Variants in LRIF1 observed in about 807,000 individuals in gnomAD.
The protein encoded by LRIF1 is ligand dependent nuclear receptor interacting factor 1, also known as ligand-dependent nuclear receptor-interacting factor 1.
A neutral mutation model predicts 52.7 loss-of-function variants in LRIF1; 32 were observed. That is an observed-to-expected ratio of 0.61 (90% CI 0.46 to 0.82). The LOEUF is 0.82. LRIF1 is among the 40% of genes least tolerant of loss of function. The probability of loss-of-function intolerance (pLI) is 0.00; values close to 1 mark genes in which losing one functional copy is unlikely to be tolerated. For synonymous variants in LRIF1, 323 were observed against 317.4 expected, an observed-to-expected ratio of 1.02 and a Z score of -0.19; for missense variants, 887 against 892.0, an observed-to-expected ratio of 0.99 and a Z score of 0.07.
chr1:110,935,762 A>C, the LRIF1 span, among the ~76,000 whole-genome samples: 1 of 152,172 alleles, frequency 6.6e-6, no homozygotes, highest in African/African-American at 2.4e-5. Context: ...GTAGAGAGAG[A>C]GAGAACTAGA....
At chr1:110,907,970 C>T in the LRIF1 span, among the ~76,000 whole-genome samples, 1 of 152,186 alleles carries the variant, frequency 6.6e-6, no homozygotes, top group Non-Finnish European at 1.5e-5. Context: ...TTTGCCTTTA[C>T]TGCTTTAACT....
the LRIF1 span, among the ~76,000 whole-genome samples, chr1:110,925,405 TAA>T: frequency 1.8e-5 from 2 of 113,776 alleles, no homozygotes; most frequent in African/African-American, 5.5e-5. Context: ...ACCAATTTCT[TAA>T]AATCTTTCTC....
At chr1:110,963,554 G>C in intron 1 of LRIF1, 67 bp downstream of exon 1, 2 of 1,378,562 alleles carry the variant, frequency 1.5e-6, no homozygotes, top group Non-Finnish European at 2.0e-6. Flanking sequence ...CGGAAACGAC[G>C]GCCGACTCCA....
chr1:110,925,779 A>C, the LRIF1 span, among the ~76,000 whole-genome samples: 2 of 152,138 alleles, frequency 1.3e-5, no homozygotes, highest in African/African-American at 2.4e-5. Flanking sequence ...TATCCAGTTT[A>C]ATCTAATGAG....
rs1480094323 is a variant in LRIF1 at position 110,948,412 on chromosome 1, A to G, written c.1870-13T>C. Reference sequence around the variant, plus strand: ...TATCAAAATTCTGCTGCAATATTGAATAACATTCCAAAACAAAAACGAAAT... The same window carrying G: ...TATCAAAATTCTGCTGCAATATTGAGTAACATTCCAAAACAAAAACGAAAT... On this transcript the variant is annotated splice_polypyrimidine_tract_variant and intron_variant, in intron 3 of 3. Transcript: ENST00000369763. 4 of 1,597,544 alleles carry G rather than the reference A, an allele frequency of 2.5e-6. No homozygotes were observed. The highest frequency in any genetic ancestry group is 2.2e-5 in the East Asian group (1 of 44,648).
the LRIF1 span, among the ~76,000 whole-genome samples, chr1:110,916,147 C>A: frequency 6.6e-6 from 1 of 151,962 alleles, no homozygotes; most frequent in East Asian, 1.9e-4. Flanking sequence ...AGAAAGTGAT[C>A]CCAGATGAAA....
intron 3 of LRIF1, among the ~76,000 whole-genome samples, chr1:110,949,325 G>A (rs1658357995): frequency 6.6e-6 from 1 of 151,822 alleles, no homozygotes; most frequent in South Asian, 2.1e-4. Flanking sequence ...TCACCATGTT[G>A]GCCAAGATGG....
At chr1:110,902,495 T>TAAAAAAAAAA in the LRIF1 span, among the ~76,000 whole-genome samples, 23 of 72,654 alleles carry the variant, frequency 3.2e-4, no homozygotes, top group African/African-American at 7.0e-4. Context: ...AATCAATCAC[T>TAAAAAAAAAA]AAAAAAAAAA....
rs750306031 is a variant in LRIF1, at chr1:110,952,472, G to A, written c.412C>T (p.His138Tyr). Residue 138 changes from histidine (H) to tyrosine (Y), a missense_variant, in exon 2 of 4, where the codon CAT (histidine) becomes TAT (tyrosine). Coordinates refer to ENST00000369763, the MANE Select transcript of LRIF1 (RefSeq NM_018372.4). ...FSSSVSKVQSHGVKIDGLTMQ... is the reference protein window; with the variant it reads ...FSSSVSKVQSYGVKIDGLTMQ... ...GTGAGTCCATCAATTTTCACACCAT[G>A]ACTCTGAACTTTAGAAACTGATGAA... is the stretch of plus-strand genomic sequence containing the variant. 5 of 1,612,744 alleles carry A rather than the reference G, an allele frequency of 3.1e-6. No homozygotes were observed. In the South Asian group the frequency reaches 3.3e-5, roughly 11 times the overall value.
Position 110,963,874 on chromosome 1 carries a change from C to G in LRIF1, c.-186G>C, listed in dbSNP as rs1659072921. 1 of 467,966 alleles carries G rather than the reference C, an allele frequency of 2.1e-6. No individual in the cohort carries two copies. Among genetic ancestry groups the G allele is most frequent in the Admixed American group, 3.2e-5 (1 of 30,890 alleles). The allele number at this position is 467,966 out of a possible 1,614,324, so 29.0% of individuals were successfully genotyped here. A position where few individuals can be genotyped will look rare whatever the true frequency, so the allele number is the denominator to read the frequency against. On this transcript the variant is annotated 5_prime_UTR_variant, in exon 1 of 4. Coordinates refer to ENST00000369763, the MANE Select transcript of LRIF1 (RefSeq NM_018372.4). ...GAGGGTGTATCCCCAGGCTTCGGGACGAGGTCGCGCACCGCGCAGAAACCG... is the reference window on the plus strand; with the variant it reads ...GAGGGTGTATCCCCAGGCTTCGGGAGGAGGTCGCGCACCGCGCAGAAACCG...
intron 3 of LRIF1, among the ~76,000 whole-genome samples, chr1:110,949,000 T>A (rs1048587925): frequency 3.9e-5 from 6 of 152,200 alleles, no homozygotes. Flanking sequence ...TATGGCCATT[T>A]TCTTGTAACA....
At chr1:110,934,294 T>C in the LRIF1 span, among the ~76,000 whole-genome samples, 1 of 152,194 alleles carries the variant, frequency 6.6e-6, no homozygotes, top group South Asian at 2.1e-4. Context: ...ATGAAACTCC[T>C]CTGCTTGAGA....
chr1:110,880,756 C>A, the LRIF1 span, among the ~76,000 whole-genome samples: 2 of 152,084 alleles, frequency 1.3e-5, no homozygotes, highest in African/African-American at 4.8e-5. Context: ...TAGATCCTAC[C>A]CTCAAGGAGC....
the LRIF1 span, chr1:110,891,245 G>C: frequency 2.0e-5 from 13 of 634,222 alleles, no homozygotes; most frequent in East Asian, 2.5e-4. Context: ...TTAGAACTAG[G>C]AAAGCGCAGA....
the LRIF1 span, among the ~76,000 whole-genome samples, chr1:110,918,397 C>A: frequency 2.8e-4 from 43 of 152,038 alleles, no homozygotes; most frequent in African/African-American, 1.0e-3. Flanking sequence ...TCCATTATTA[C>A]TAATAGACAA....
chr1:110,960,457 A>G (rs906844554), intron 1 of LRIF1, among the ~76,000 whole-genome samples: 5 of 152,202 alleles, frequency 3.3e-5, no homozygotes, highest in Non-Finnish European at 7.4e-5. Flanking sequence ...ACTTAAGTTT[A>G]GCTCCCCATT....
the LRIF1 span, among the ~76,000 whole-genome samples, chr1:110,913,258 G>A: frequency 6.6e-6 from 1 of 152,136 alleles, no homozygotes; most frequent in Non-Finnish European, 1.5e-5. Flanking sequence ...CTAGACATAG[G>A]TCTTGGCAAA....
chr1:110,947,902 TA>T lies in LRIF1; in HGVS notation c.*56del. 6.6e-7 allele frequency: 1 copy of T among 1,519,400 alleles called. No individual in the cohort carries two copies. The highest frequency in any genetic ancestry group is 8.8e-7 in the Non-Finnish European group (1 of 1,139,208). The allele number at this position is 1,519,400 out of a possible 1,614,324, so 94.1% of individuals were successfully genotyped here. ...CAGAACACACCTACAATTAACTTAT[TA>T]ATGCTGAAGTATATTTTAAAAAACA... On this transcript the variant is annotated 3_prime_UTR_variant, in exon 4 of 4. Transcript: ENST00000369763.
chr1:110,889,537 G>A, the LRIF1 span, among the ~76,000 whole-genome samples: 10 of 150,752 alleles, frequency 6.6e-5, no homozygotes, highest in Non-Finnish European at 1.0e-4. Context: ...CAGCCTCGGC[G>A]AAAGAGCAAA....
Sources: allele counts gnomAD v4.1 joint callset (sites outside exome capture counted in the v4.1 genomes callset), GRCh38; gene constraint gnomAD v4.1.1; transcripts MANE v1.5; gene names NCBI Gene and HGNC (gene_info 2026-07-23, HGNC 2026-07-21).